PTPRF: variants seen among roughly 807,000 people sequenced by gnomAD.
PTPRF encodes the protein protein tyrosine phosphatase receptor type F, also known as receptor-type tyrosine-protein phosphatase F.
A neutral mutation model predicts 201.8 loss-of-function variants in PTPRF; 59 were observed. The ratio of observed to expected loss-of-function variants is 0.29; its 90% CI spans 0.24 to 0.36. The LOEUF (loss-of-function observed/expected upper bound fraction) is 0.36, where lower values mean the gene tolerates loss of function less well. Ranked by LOEUF, PTPRF falls within the 10% of genes least tolerant of loss-of-function variation. The pLI, the probability that PTPRF is intolerant of heterozygous loss-of-function variation, is 1.00. For missense variants in PTPRF, 2,132 were observed against 2,690.5 expected (o/e 0.79, Z 4.59); for synonymous variants, 1,088 against 1,089.7 (o/e 1.00, Z 0.03).
intron 6 of PTPRF, among the ~76,000 whole-genome samples, chr1:43,573,418 C>A (rs1646704314): frequency 1.3e-5 from 2 of 152,206 alleles, no homozygotes; most frequent in Admixed American, 1.3e-4. Context: ...CAGTCTCTTC[C>A]CCACCCCCAG....
chr1:43,598,122 GCCTT>G (rs1400006278), intron 12 of PTPRF, 69 bp downstream of exon 12: 1 of 1,401,802 alleles, frequency 7.1e-7, no homozygotes, highest in Non-Finnish European at 9.3e-7. Context: ...GCTCCCCAGG[GCCTT>G]CCTTTCCTGA....
chr1:43,561,652 A>G (rs1645812693), intron 5 of PTPRF, among the ~76,000 whole-genome samples: 1 of 152,056 alleles, frequency 6.6e-6, no homozygotes, highest in Admixed American at 6.6e-5. Flanking sequence ...GTCCTCTGTG[A>G]CCTGTCCTTA....
intron 1 of PTPRF, chr1:43,532,661 T>A (rs1281011275): frequency 6.3e-6 from 1 of 158,340 alleles, no homozygotes; most frequent in Non-Finnish European, 1.4e-5. Flanking sequence ...TCTGACAGGC[T>A]ATCTAAGGAA....
At chr1:43,529,744 T>C (rs180936601), upstream of PTPRF, among the ~76,000 whole-genome samples, 206 of 152,272 alleles carry the variant, frequency 1.4e-3, no homozygotes, top group African/African-American at 4.8e-3. Context: ...GCGCTTGGAT[T>C]GAAGCTCATC....
intron 21 of PTPRF, among the ~76,000 whole-genome samples, chr1:43,607,935 G>C (rs1236760623): frequency 6.6e-6 from 1 of 152,242 alleles, no homozygotes; most frequent in Non-Finnish European, 1.5e-5. Context: ...CCCCAGCACT[G>C]GGCTGAGCCC....
At chr1:43,522,839 G>T (rs76150808), upstream of PTPRF, among the ~76,000 whole-genome samples, 4,506 of 152,170 alleles carry the variant, frequency 0.03, 237 homozygotes, top group African/African-American at 0.1. Flanking sequence ...CAAAGGGAGG[G>T]CATTTCATCC....
At position 43,615,551 on chromosome 1, in the gene PTPRF, C is replaced by CTTTTTT. The variant is rs68193223; in HGVS notation, c.4071+1861_4072-1864dup. 2.2e-3 allele frequency among the ~76,000 whole-genome samples: 186 copies of CTTTTTT among 84,152 alleles called. 13 individuals are homozygous for CTTTTTT. The highest frequency in any genetic ancestry group is 6.8e-3 in the Middle Eastern group (1 of 146). 55.2% of individuals were successfully genotyped at this position (84,152 alleles called of 152,430 possible). On this transcript the variant is annotated intron_variant, in intron 23 of 33. Transcript: ENST00000359947. Reference sequence around the variant, plus strand: ...AGCCAGGACCCCATAGCTCTGTTGTCTTTTTTTTTTTTTTTTTTTTTTTTT... The same window carrying CTTTTTT: ...AGCCAGGACCCCATAGCTCTGTTGTCTTTTTTTTTTTTTTTTTTTTTTTTTTTTTTT...
chr1:43,617,338 A>G (rs571372731), intron 23 of PTPRF, 107 bp from the exon 24 acceptor site: 13 of 1,486,736 alleles, frequency 8.7e-6, no homozygotes, highest in Admixed American at 7.1e-5. Flanking sequence ...TGGCCTGTGG[A>G]GTGAAGGCAG....
In PTPRF at chr1:43,623,600, G is replaced by A. The variant is rs542631623; in HGVS notation, c.*1597G>A. ...ACACAGTCTGTTTTCTATTTGTTAA[G>A]AAAAACTACAGCATCATTGCATAAT... On this transcript the variant is annotated 3_prime_UTR_variant, in exon 34 of 34. Coordinates refer to ENST00000359947, the MANE Select transcript of PTPRF (RefSeq NM_002840.5). 6.6e-6 allele frequency: 1 copy of A among 152,620 alleles called. No individual in the cohort carries two copies. The highest frequency in any genetic ancestry group is 2.1e-4 in the South Asian group (1 of 4,834). 9.5% of individuals were successfully genotyped at this position (152,620 alleles called of 1,614,324 possible).
At chr1:43,562,899 C>T (rs922707947) in intron 5 of PTPRF, among the ~76,000 whole-genome samples, 1 of 151,578 alleles carries the variant, frequency 6.6e-6, no homozygotes, top group Non-Finnish European at 1.5e-5. Flanking sequence ...AGAAAGAGGC[C>T]GGGCACGGTG....
In PTPRF at chr1:43,619,783, C is replaced by T; in HGVS notation, c.5036C>T (p.Thr1679Ile). 1 of 1,614,264 alleles carries T rather than the reference C, an allele frequency of 6.2e-7. No homozygotes were observed. The highest frequency in any genetic ancestry group is 8.5e-7 in the Non-Finnish European group (1 of 1,180,032). Reference sequence around the variant, plus strand: ...GTGAACATCATGCCCTACGAATTGACCCGTGTGTGTCTGCAGCCCATCCGT... The same window carrying T: ...GTGAACATCATGCCCTACGAATTGATCCGTGTGTGTCTGCAGCCCATCCGT... ...RLVNIMPYEL[T>I]RVCLQPIRGV... The change falls in exon 29 of 34, where the codon ACC (threonine) becomes ATC (isoleucine). Residue 1679 changes from threonine to isoleucine, a missense_variant. By Grantham distance (89) the Thr-to-Ile change is moderately conservative. This residue lies in a region of PTPRF where 519 missense variants were observed against 659.5 expected (regional missense o/e 0.79). Transcript: ENST00000359947.
intron 6 of PTPRF, among the ~76,000 whole-genome samples, chr1:43,571,371 T>C (rs1169115013): frequency 6.6e-6 from 1 of 151,968 alleles, no homozygotes; most frequent in Non-Finnish European, 1.5e-5. Context: ...CTCCTAAAGC[T>C]CCAACTGCCA....
chr1:43,585,032 G>A (rs1385295081), intron 7 of PTPRF, among the ~76,000 whole-genome samples: 1 of 152,216 alleles, frequency 6.6e-6, no homozygotes, highest in Non-Finnish European at 1.5e-5. Flanking sequence ...TTTGGAAATT[G>A]TCTATAAAAT....
intron 1 of PTPRF, among the ~76,000 whole-genome samples, chr1:43,531,867 G>C (rs1643577318): frequency 6.6e-6 from 1 of 152,206 alleles, no homozygotes; most frequent in Admixed American, 6.5e-5. Flanking sequence ...CCATCGCCGT[G>C]CCGGCGTCTC....
chr1:43,607,770 CT>C (rs1005862585), intron 21 of PTPRF, among the ~76,000 whole-genome samples: 26 of 152,252 alleles, frequency 1.7e-4, no homozygotes, highest in African/African-American at 6.0e-4. Context: ...CTCCCTCCCC[CT>C]GCCCACTTGG....
chr1:43,591,257 C>G lies in PTPRF; in HGVS notation c.1235C>G (p.Ala412Gly), dbSNP rs1065775. ...EAVRARTGEQAPSSPPRRVQA... is the reference protein window; with the variant it reads ...EAVRARTGEQGPSSPPRRVQA... ...GTGCGGGCACGCACGGGAGAACAGG[C>G]GCCCTCCAGCCCACCGCGCCGCGTG... Residue 412 changes from alanine (A) to glycine (G), a missense_variant, in exon 9 of 34, where the codon GCG becomes GGG. Physicochemically the swap from Ala to Gly is moderately conservative, Grantham distance 60. Coordinates refer to ENST00000359947, the MANE Select transcript of PTPRF (RefSeq NM_002840.5). The G allele has an allele frequency of 1.9e-6, 3 of 1,576,226 alleles. No homozygotes were observed. Among genetic ancestry groups the G allele is most frequent in the Non-Finnish European group, 1.7e-6 (2 of 1,162,864 alleles).
chr1:43,589,050 T>A, intron 8 of PTPRF, 50 bp downstream of exon 8: 1 of 1,477,326 alleles, frequency 6.8e-7, no homozygotes, highest in Non-Finnish European at 9.0e-7. Context: ...ATCTGGGAGG[T>A]CCTGGTGGTG....
At chr1:43,555,487 CCAG>C (rs1239805467) in intron 5 of PTPRF, among the ~76,000 whole-genome samples, 19 of 149,236 alleles carry the variant, frequency 1.3e-4, no homozygotes, top group African/African-American at 4.7e-4. Flanking sequence ...GCTCTGTCAC[CCAG>C]CCTGGAGTCC....
Position 43,603,427 on chromosome 1 carries a change from C to T in PTPRF, c.2352C>T (p.Ile784=), listed in dbSNP as rs1654281408. Residue 784 remains isoleucine (I), a synonymous_variant, in exon 15 of 34, where the codon ATC becomes ATT. Coordinates refer to ENST00000359947, the MANE Select transcript of PTPRF (RefSeq NM_002840.5). This position sits in a 1 kb window ranked among gnomAD's most constrained non-coding sequence, Gnocchi z 5.8. The stretch of plus-strand genomic sequence containing the variant: ...TCCTCCTCCCTCAGGAAACCACTAT[C>T]AGCGGCCTGACCCCGGAGACCACCT... ...PEESEDYETT[I]SGLTPETTYS... is the part of the protein sequence containing the mutation. The T allele has an allele frequency of 6.2e-7, 1 of 1,614,082 alleles. No individual in the cohort carries two copies. The highest frequency in any genetic ancestry group is 8.5e-7 in the Non-Finnish European group (1 of 1,179,942).
Sources: allele counts gnomAD v4.1 joint callset (sites outside exome capture counted in the v4.1 genomes callset), GRCh38; gene constraint gnomAD v4.1.1; regional missense constraint gnomAD v4.1.1; non-coding constraint Gnocchi (gnomAD v3.1); transcripts MANE v1.5; gene names NCBI Gene and HGNC (gene_info 2026-07-23, HGNC 2026-07-21).